Variants in LIPI observed in about 807,000 individuals in gnomAD.
LIPI encodes the protein lipase I, also known as lipase member I.
LIPI carries 59 observed loss-of-function variants against 50.6 expected under a neutral mutation model. That is an observed-to-expected ratio of 1.16 (90% CI 0.94 to 1.45). The LOEUF (loss-of-function observed/expected upper bound fraction) is 1.45, where lower values mean the gene tolerates loss of function less well. LIPI is among the 40% of genes most tolerant of loss of function. The pLI, the probability that LIPI is intolerant of heterozygous loss-of-function variation, is 0.00. For missense variants in LIPI, 586 were observed against 536.3 expected, an observed-to-expected ratio of 1.09 and a Z score of -0.92; for synonymous variants, 203 against 178.2, an observed-to-expected ratio of 1.14 and a Z score of -1.11.
intron 3 of LIPI, among the ~76,000 whole-genome samples, chr21:14,183,768 A>G (rs1004813141): frequency 6.6e-6 from 1 of 152,196 alleles, no homozygotes; most frequent in African/African-American, 2.4e-5. Flanking sequence ...AATCAAAACC[A>G]CAATGAGATA....
chr21:14,129,761 AGTATAATAATCTATTT>A (rs2017210482), intron 9 of LIPI, among the ~76,000 whole-genome samples: 1 of 151,754 alleles, frequency 6.6e-6, no homozygotes, highest in African/African-American at 2.4e-5. Context: ...AAAAAACCTA[AGTATAATAATCTATTT>A]GTTCAATAAT....
chr21:14,139,922 C>T (rs1490276027), intron 9 of LIPI, among the ~76,000 whole-genome samples: 3 of 152,042 alleles, frequency 2.0e-5, no homozygotes, highest in Non-Finnish European at 4.4e-5. Flanking sequence ...TGTGCAGGTA[C>T]AGTAGTCAAG....
intron 9 of LIPI, among the ~76,000 whole-genome samples, chr21:14,119,842 G>A (rs1333104218): frequency 6.6e-6 from 1 of 152,154 alleles, no homozygotes; most frequent in African/African-American, 2.4e-5. Context: ...CAAGGAACTG[G>A]CCGCCACTGC....
chr21:14,157,106 G>A (rs1286868441), intron 7 of LIPI, among the ~76,000 whole-genome samples: 1 of 151,882 alleles, frequency 6.6e-6, no homozygotes, highest in African/African-American at 2.4e-5. Flanking sequence ...GGGGTTGAAA[G>A]TGTGGCCAGA....
At chr21:14,200,008 A>G (rs2019996526) in intron 1 of LIPI, among the ~76,000 whole-genome samples, 1 of 152,122 alleles carries the variant, frequency 6.6e-6, no homozygotes, top group East Asian at 1.9e-4. Context: ...AAACCACATG[A>G]TTATCTCAAT....
intron 8 of LIPI, among the ~76,000 whole-genome samples, chr21:14,149,740 AC>A (rs1461510862): frequency 6.6e-6 from 1 of 152,084 alleles, no homozygotes; most frequent in African/African-American, 2.4e-5. Flanking sequence ...CAGTCATTAA[AC>A]CCTAAAGTTC....
At chr21:14,173,092 A>T (rs71315763) in intron 4 of LIPI, among the ~76,000 whole-genome samples, 4,574 of 152,230 alleles carry the variant, frequency 0.03, 100 homozygotes, top group Non-Finnish European at 0.048. Context: ...CACTTGAAGA[A>T]GTTGGAGTGG....
At chr21:14,195,449 T>A (rs1328695810) in intron 1 of LIPI, among the ~76,000 whole-genome samples, 1 of 152,080 alleles carries the variant, frequency 6.6e-6, no homozygotes, top group Non-Finnish European at 1.5e-5. Flanking sequence ...CTAAACCAAG[T>A]CTAGAATAAA....
chr21:14,152,174 C>T (rs1487090227), intron 8 of LIPI, among the ~76,000 whole-genome samples: 2 of 151,830 alleles, frequency 1.3e-5, no homozygotes, highest in Non-Finnish European at 2.9e-5. Flanking sequence ...AATCTCAGCT[C>T]ACTGCAACCT....
At chr21:14,136,168 T>C (rs2017492069) in intron 9 of LIPI, among the ~76,000 whole-genome samples, 1 of 152,128 alleles carries the variant, frequency 6.6e-6, no homozygotes, top group African/African-American at 2.4e-5. Context: ...CCAGCAGCAA[T>C]ACCCAGGTAC....
rs528112487 is a variant in LIPI, at chr21:14,207,014, C to T, written c.46+3786G>A. On this transcript the variant is annotated intron_variant, in intron 1 of 9. Coordinates refer to ENST00000681601, the MANE Select transcript of LIPI (RefSeq NM_001302998.2). ...TTTTGGGCCAGCAGAATTCCAAGTA[C>T]GAAACAATTGACCCACTTTATGCTA... is the stretch of plus-strand genomic sequence containing the variant. 2.3e-3 allele frequency: 2,021 copies of T among 886,304 alleles called. 14 individuals carry two copies. Among genetic ancestry groups the T allele is most frequent in the Non-Finnish European group, 3.1e-3 (1,655 of 527,844 alleles). 54.9% of individuals were successfully genotyped at this position (886,304 alleles called of 1,614,324 possible).
chr21:14,142,506 C>A (rs1056852430), intron 9 of LIPI, among the ~76,000 whole-genome samples: 2 of 150,014 alleles, frequency 1.3e-5, no homozygotes, highest in African/African-American at 4.9e-5. Context: ...GTTGTTGAGA[C>A]AGTGTCCTGC....
chr21:14,201,874 T>G (rs1403347459), intron 1 of LIPI, among the ~76,000 whole-genome samples: 1 of 152,060 alleles, frequency 6.6e-6, no homozygotes, highest in Non-Finnish European at 1.5e-5. Context: ...GGTATTCAAT[T>G]AGGAAAAGAG....
chr21:14,165,372 C>A lies in LIPI; in HGVS notation c.752G>T (p.Cys251Phe). Residue 251 changes from cysteine to phenylalanine, a missense_variant, in exon 6 of 10, where the codon TGC becomes TTC. By Grantham distance (205) the Cys-to-Phe change is radical. Coordinates refer to ENST00000681601, the MANE Select transcript of LIPI (RefSeq NM_001302998.2). ...SIFSGIQFIK[C>F]NHQRAVHLFM... is the part of the protein sequence containing the mutation. The stretch of plus-strand genomic sequence containing the variant: ...CAAGTGAACTGCTCTCTGGTGGTTG[C>A]ATTTAATGAATTGAATTCCTTAAGG... The A allele has an allele frequency of 6.2e-7, 1 of 1,609,268 alleles. No homozygotes were observed. The highest frequency in any genetic ancestry group is 1.7e-5 in the Admixed American group (1 of 59,846).
At chr21:14,153,431 C>T (rs1355956048) in intron 7 of LIPI, among the ~76,000 whole-genome samples, 1 of 152,164 alleles carries the variant, frequency 6.6e-6, no homozygotes, top group Admixed American at 6.5e-5. Flanking sequence ...TCACCTTGCC[C>T]ATATAAATGG....
At chr21:14,187,895 T>C (rs949085804) in intron 2 of LIPI, among the ~76,000 whole-genome samples, 1 of 152,206 alleles carries the variant, frequency 6.6e-6, no homozygotes, top group Non-Finnish European at 1.5e-5. Context: ...TATGTAATTG[T>C]TCAAAATTAC....
intron 4 of LIPI, among the ~76,000 whole-genome samples, chr21:14,172,118 G>A (rs2018933762): frequency 6.6e-6 from 1 of 152,106 alleles, no homozygotes; most frequent in Admixed American, 6.5e-5. Flanking sequence ...ATGAAAAAAT[G>A]CTCACCATCA....
rs368753110 is a variant in LIPI, at chr21:14,109,002, C to A, written c.1374G>T (p.Lys458Asn). ...GATGGAAGAAGGCATCTTATGTGTT[C>A]TTTGGTGTACATGTGTTTGGATTAA... ...VFLNPNTCTP[K>N]NT The change falls in exon 10 of 10, where the codon AAG becomes AAT. Residue 458 changes from lysine (K) to asparagine (N), a missense_variant. Lys to Asn is a moderately conservative substitution (Grantham distance 94). Transcript: ENST00000681601. The A allele has an allele frequency of 4.3e-6, 7 of 1,609,468 alleles. No homozygotes were observed. In the African/African-American group the frequency reaches 9.4e-5, roughly 22 times the overall value.
chr21:14,202,854 G>T (rs901220722), intron 1 of LIPI, among the ~76,000 whole-genome samples: 26 of 149,012 alleles, frequency 1.7e-4, no homozygotes, highest in African/African-American at 6.3e-4. Context: ...AAACTAAAGA[G>T]CTTCTGCACA....
Sources: gnomAD v4.1 joint callset for allele counts (sites outside exome capture counted in the v4.1 genomes callset) on GRCh38, gnomAD v4.1.1 for gene constraint, MANE v1.5 for transcripts, NCBI Gene and HGNC (gene_info 2026-07-23, HGNC 2026-07-21) for gene names.